CSMD1: variants seen among roughly 807,000 people sequenced by gnomAD.
CSMD1 encodes CUB and Sushi multiple domains 1, also known as CUB and sushi domain-containing protein 1.
CSMD1 carries 213 observed loss-of-function variants against 417.5 expected under a neutral mutation model. The observed-to-expected ratio is 0.51, with a 90% CI of 0.46 to 0.57. The LOEUF (loss-of-function observed/expected upper bound fraction) is 0.57, where lower values mean the gene tolerates loss of function less well. Among genes scored for constraint, CSMD1 ranks in the 20% least tolerant of loss-of-function variants. The pLI is 0.00. For synonymous variants in CSMD1, 2,862 were observed against 1,736.8 expected (o/e 1.65, Z -16.11); for missense variants, 6,923 against 4,529.7 (o/e 1.53, Z -15.17).
intron 3 of CSMD1, among the ~76,000 whole-genome samples, chr8:4,128,814 G>C (rs1802918106): frequency 2.0e-5 from 3 of 152,088 alleles, no homozygotes; most frequent in South Asian, 2.1e-4. Flanking sequence ...AGTGCAAGTA[G>C]GGTAAGTTTC....
chr8:4,295,536 T>G (rs949012291), intron 3 of CSMD1, among the ~76,000 whole-genome samples: 7 of 144,756 alleles, frequency 4.8e-5, no homozygotes, highest in African/African-American at 1.7e-4. Flanking sequence ...TTACATATAT[T>G]ATAAATATAT....
chr8:4,551,145 A>G lies in CSMD1; in HGVS notation c.302+86197T>C, dbSNP rs80021967. Among the ~76,000 whole-genome samples the G allele has an allele frequency of 8.4e-3, 1,272 of 152,296 alleles. 26 individuals carry two copies. In the East Asian group the frequency reaches 0.096, roughly 11 times the overall value. On this transcript the variant is annotated intron_variant, in intron 2 of 69. Coordinates refer to ENST00000635120, the MANE Select transcript of CSMD1 (RefSeq NM_033225.6). ...CACTGACCTGGGTCTGGCAACATCT[A>G]TGTGGAGATCCTGTGTATCTTACCT...
At chr8:3,740,580 C>T (rs1004274765) in intron 6 of CSMD1, among the ~76,000 whole-genome samples, 1 of 152,052 alleles carries the variant, frequency 6.6e-6, no homozygotes, top group Non-Finnish European at 1.5e-5. Flanking sequence ...ATGGCACACA[C>T]AGGAAGGAGG....
At chr8:3,901,517 C>G (rs1210804980) in intron 5 of CSMD1, among the ~76,000 whole-genome samples, 1 of 152,186 alleles carries the variant, frequency 6.6e-6, no homozygotes, top group African/African-American at 2.4e-5. Context: ...GGGAGCCACG[C>G]TTTGGAACAT....
chr8:3,959,395 A>G (rs1252395754), intron 5 of CSMD1, among the ~76,000 whole-genome samples: 1 of 152,180 alleles, frequency 6.6e-6, no homozygotes, highest in Admixed American at 6.5e-5. Flanking sequence ...GCTACTCAAG[A>G]GGCTGAAGTG....
At chr8:4,380,264 C>T (rs1803017594) in intron 3 of CSMD1, among the ~76,000 whole-genome samples, 1 of 152,240 alleles carries the variant, frequency 6.6e-6, no homozygotes, top group South Asian at 2.1e-4. Context: ...CTGACAAACA[C>T]CTCTGCCAGG....
intron 12 of CSMD1, among the ~76,000 whole-genome samples, chr8:3,464,050 A>G (rs546212411): frequency 1.3e-5 from 2 of 152,350 alleles, no homozygotes; most frequent in Admixed American, 1.3e-4. Context: ...TCTTAGTATT[A>G]GCCCAAAATA....
chr8:4,027,226 T>C (rs547619171), intron 4 of CSMD1, among the ~76,000 whole-genome samples: 7 of 152,144 alleles, frequency 4.6e-5, no homozygotes, highest in Non-Finnish European at 8.8e-5. Flanking sequence ...TTTATTCTCA[T>C]TGAGTCACCA....
At chr8:4,014,819 C>A (rs768328986) in intron 4 of CSMD1, among the ~76,000 whole-genome samples, 1 of 152,140 alleles carries the variant, frequency 6.6e-6, no homozygotes. Context: ...AGCTCTATAA[C>A]CTAACATGGT....
At chr8:4,717,695 G>GGCTC in intron 1 of CSMD1, among the ~76,000 whole-genome samples, 1 of 151,572 alleles carries the variant, frequency 6.6e-6, no homozygotes, top group Non-Finnish European at 1.5e-5. Flanking sequence ...CGAAGAGGCT[G>GGCTC]GGTAACCAAG....
intron 50 of CSMD1, among the ~76,000 whole-genome samples, 157 bp downstream of exon 50, chr8:3,052,305 A>C (rs541705294): frequency 6.6e-6 from 1 of 152,296 alleles, no homozygotes; most frequent in South Asian, 2.1e-4. Context: ...AATATTTTAT[A>C]TGAAATACAT....
At chr8:4,776,413 C>G (rs1444183297) in intron 1 of CSMD1, among the ~76,000 whole-genome samples, 1 of 152,066 alleles carries the variant, frequency 6.6e-6, no homozygotes, top group Non-Finnish European at 1.5e-5. Flanking sequence ...TCTTATGGTG[C>G]CTCTAGAGAA....
intron 52 of CSMD1, among the ~76,000 whole-genome samples, chr8:3,004,786 A>C (rs2250086): frequency 0.19 from 29,296 of 152,150 alleles, 5,043 homozygotes; most frequent in African/African-American, 0.46. Flanking sequence ...ACCAAGAATG[A>C]AATGGTCTGC....
chr8:4,129,742 C>A (rs1007777000), intron 3 of CSMD1, among the ~76,000 whole-genome samples: 3 of 152,074 alleles, frequency 2.0e-5, no homozygotes, highest in East Asian at 1.9e-4. Flanking sequence ...CCCTTTCAAT[C>A]TGGAAATAAC....
rs529470165 is a variant in CSMD1, at chr8:4,539,549, A to G, written c.302+97793T>C. Among the ~76,000 whole-genome samples, 134 of 152,348 alleles carry G rather than the reference A, an allele frequency of 8.8e-4. 2 individuals carry two copies. In the Middle Eastern group the frequency reaches 0.017, roughly 19 times the overall value. On this transcript the variant is annotated intron_variant, in intron 2 of 69. Coordinates refer to ENST00000635120, the MANE Select transcript of CSMD1 (RefSeq NM_033225.6). The stretch of plus-strand genomic sequence containing the variant: ...ACAGAATGAGTTAACATATTTAGCA[A>G]ACTTCCAACATTTTTCTCATGTTAC...
chr8:4,175,151 A>G (rs913339289), intron 3 of CSMD1, among the ~76,000 whole-genome samples: 1 of 152,080 alleles, frequency 6.6e-6, no homozygotes, highest in Non-Finnish European at 1.5e-5. Context: ...TCGACCATCA[A>G]GAAAGATCAT....
At chr8:4,507,572 T>C (rs1351425938) in intron 2 of CSMD1, among the ~76,000 whole-genome samples, 1 of 152,188 alleles carries the variant, frequency 6.6e-6, no homozygotes, top group Non-Finnish European at 1.5e-5. Flanking sequence ...GACATGCATG[T>C]TATCATAGTG....
chr8:4,836,897 G>A (rs956822395), intron 1 of CSMD1, among the ~76,000 whole-genome samples: 4 of 152,072 alleles, frequency 2.6e-5, no homozygotes, highest in Non-Finnish European at 5.9e-5. Flanking sequence ...CTCTGTCTGA[G>A]GCTATGGTTG....
chr8:3,805,855 GC>G (rs1312793941), intron 5 of CSMD1, among the ~76,000 whole-genome samples: 1 of 152,044 alleles, frequency 6.6e-6, no homozygotes, highest in Non-Finnish European at 1.5e-5. Context: ...AAAATTTCAT[GC>G]CTCAGTTTCC....
Sources: allele counts gnomAD v4.1 joint callset (sites outside exome capture counted in the v4.1 genomes callset), GRCh38; gene constraint gnomAD v4.1.1; transcripts MANE v1.5; gene names NCBI Gene and HGNC (gene_info 2026-07-23, HGNC 2026-07-21).